The following CELF1 variants were observed in gnomAD, a reference collection of about 807,000 sequenced individuals.
The protein encoded by CELF1 is CUGBP Elav-like family member 1.
CELF1 carries 10 observed loss-of-function variants against 61.8 expected under a neutral mutation model. That is an observed-to-expected ratio of 0.16 (90% CI 0.10 to 0.27). The LOEUF (loss-of-function observed/expected upper bound fraction) is 0.27. Among genes scored for constraint, CELF1 ranks in the 10% least tolerant of loss-of-function variants. CELF1 has a pLI of 1.00. For synonymous variants in CELF1, 236 were observed against 225.1 expected (o/e 1.05, Z -0.43); for missense variants, 380 against 639.1 (o/e 0.59, Z 4.37).
chr11:47,557,226 G>GT (rs777550147), upstream of CELF1, among the ~76,000 whole-genome samples: 4,548 of 137,704 alleles, frequency 0.033, 117 homozygotes, highest in African/African-American at 0.053. Flanking sequence ...GTTTTGTTTT[G>GT]TTTTTTTTTT....
intron 3 of CELF1, among the ~76,000 whole-genome samples, chr11:47,497,944 A>G (rs966809960): frequency 2.6e-5 from 4 of 152,340 alleles, no homozygotes; most frequent in South Asian, 2.1e-4. Context: ...ATGAAAGACA[A>G]TTTGAGCAAC....
chr11:47,483,546 A>C lies in CELF1; in HGVS notation c.527-14T>G, dbSNP rs550328661. 27 of 1,598,976 alleles carry C rather than the reference A, an allele frequency of 1.7e-5. No homozygotes were observed. The Admixed American group carries it at 3.5e-4, about 21-fold the overall frequency. The stretch of plus-strand genomic sequence containing the variant: ...CAAATGCACAACCTGGTAAGAGAAG[A>C]GTCAGTAACTCATGCATTCATTTAT... On this transcript the variant is annotated splice_polypyrimidine_tract_variant and intron_variant, in intron 7 of 14. Coordinates refer to ENST00000687097, the MANE Select transcript of CELF1 (RefSeq NM_001376376.1).
chr11:47,470,260 G>T lies in CELF1; in HGVS notation c.*1970C>A, dbSNP rs1257082729. 2 of 151,294 alleles carry T rather than the reference G, an allele frequency of 1.3e-5. No homozygotes were observed. The highest frequency in any genetic ancestry group is 2.9e-5 in the Non-Finnish European group (2 of 67,900). 9.4% of individuals were successfully genotyped at this position (151,294 alleles called of 1,614,324 possible). A position where few individuals can be genotyped will look rare whatever the true frequency, so the allele number is the denominator to read the frequency against. On this transcript the variant is annotated 3_prime_UTR_variant, in exon 15 of 15. Transcript: ENST00000687097. ...TTCCAGCCGGTTGGGATTCAGAACA[G>T]CGCCTCCCCAACCTAGCATTTTTTT... is the stretch of plus-strand genomic sequence containing the variant.
chr11:47,468,775 A>G lies in CELF1; in HGVS notation c.*3455T>C, dbSNP rs951968315. 6.6e-6 allele frequency: 1 copy of G among 152,662 alleles called. No homozygotes were observed. Among genetic ancestry groups the G allele is most frequent in the Non-Finnish European group, 1.5e-5 (1 of 68,040 alleles). 9.5% of individuals were successfully genotyped at this position (152,662 alleles called of 1,614,324 possible). On this transcript the variant is annotated 3_prime_UTR_variant, in exon 15 of 15. Transcript: ENST00000687097. ...ATACACATCAGCATCAAAGGTCAAC[A>G]CAAGGTCAAAGGTGAGAGTTCAAGC...
chr11:47,475,550 T>C lies in CELF1; in HGVS notation c.1088-29A>G, dbSNP rs549182146. Reference sequence around the variant, plus strand: ...GGTTGGAGGAAGAGAAGGATTAATATACTAGAAAGACTAAACTGATGCCAA... The same window carrying C: ...GGTTGGAGGAAGAGAAGGATTAATACACTAGAAAGACTAAACTGATGCCAA... On this transcript the variant is annotated intron_variant, in intron 12 of 14. Transcript: ENST00000687097. 3.1e-6 allele frequency: 5 copies of C among 1,609,266 alleles called. No individual in the cohort carries two copies. In the South Asian group the frequency reaches 4.4e-5, roughly 14 times the overall value.
Position 47,468,957 on chromosome 11 carries a change from A to G in CELF1, c.*3273T>C, listed in dbSNP as rs1367861852. 1 of 152,258 alleles carries G rather than the reference A, an allele frequency of 6.6e-6. No individual in the cohort carries two copies. Among genetic ancestry groups the G allele is most frequent in the African/African-American group, 2.4e-5 (1 of 41,444 alleles). The allele number at this position is 152,258 out of a possible 1,614,324, so 9.4% of individuals were successfully genotyped here. ...GTTACACAGAGCAATACATCCAAAC[A>G]AAGAGAGAGAGAACAGGAACACTCA... On this transcript the variant is annotated 3_prime_UTR_variant, in exon 15 of 15. Transcript: ENST00000687097.
chr11:47,471,014 A>T lies in CELF1; in HGVS notation c.*1216T>A, dbSNP rs1212257290. On this transcript the variant is annotated 3_prime_UTR_variant, in exon 15 of 15. Transcript: ENST00000687097. ...GTCCTGATGTCACCTCTGCCTCAAG[A>T]GCAGAAAATGTGACTGGAGTGGTTA... The T allele has an allele frequency of 6.6e-6, 1 of 152,176 alleles. No individual in the cohort carries two copies. The highest frequency in any genetic ancestry group is 1.5e-5 in the Non-Finnish European group (1 of 68,044). The allele number at this position is 152,176 out of a possible 1,614,324, so 9.4% of individuals were successfully genotyped here.
chr11:47,487,216 G>A lies in CELF1; in HGVS notation c.285C>T (p.Thr95=). 7 of 1,612,250 alleles carry A rather than the reference G, an allele frequency of 4.3e-6. No individual in the cohort carries two copies. The highest frequency in any genetic ancestry group is 2.7e-5 in the African/African-American group (2 of 74,988). The change falls in exon 5 of 15, where the codon ACC becomes ACT. Residue 95 remains threonine, a synonymous_variant. Coordinates refer to ENST00000687097, the MANE Select transcript of CELF1 (RefSeq NM_001376376.1). ...SKGCCFVTFY[T]RKAALEAQNA... The stretch of plus-strand genomic sequence containing the variant: ...TCTGAGCTTCTAATGCAGCTTTACG[G>A]GTGTAAAATGTAACAAAACAGCACC...
chr11:47,466,449 T>G lies in CELF1; in HGVS notation c.*5781A>C, dbSNP rs1431420667. ...TTTCTCTTCACATTGTGAAATCACT[T>G]TACATTGTTTTCTAGTAGAAAAGGC... On this transcript the variant is annotated 3_prime_UTR_variant, in exon 15 of 15. Coordinates refer to ENST00000687097, the MANE Select transcript of CELF1 (RefSeq NM_001376376.1). 6.6e-6 allele frequency: 1 copy of G among 152,194 alleles called. No individual in the cohort carries two copies. The highest frequency in any genetic ancestry group is 1.5e-5 in the Non-Finnish European group (1 of 68,040). The allele number at this position is 152,194 out of a possible 1,614,324, so 9.4% of individuals were successfully genotyped here.
chr11:47,553,134 C>T, upstream of CELF1: 1 of 396,272 alleles, frequency 2.5e-6, no homozygotes. Flanking sequence ...GCAGAACACC[C>T]CAAAATGGCG....
At chr11:47,472,592 T>G (rs1245884188) in intron 14 of CELF1, among the ~76,000 whole-genome samples, 1 of 152,222 alleles carries the variant, frequency 6.6e-6, no homozygotes, top group Non-Finnish European at 1.5e-5. Context: ...TCTTGCTCTG[T>G]CACCCAGGGT....
Position 47,466,511 on chromosome 11 carries a change from G to A in CELF1, c.*5719C>T, listed in dbSNP as rs943596618. 2.0e-5 allele frequency: 3 copies of A among 151,518 alleles called. No individual in the cohort carries two copies. Among genetic ancestry groups the A allele is most frequent in the Admixed American group, 6.6e-5 (1 of 15,234 alleles). 9.4% of individuals were successfully genotyped at this position (151,518 alleles called of 1,614,324 possible). ...CAAAACCCCTAGTGTTAAATACAAC[G>A]TTTGTACCAATAAAAAACTCACACA... On this transcript the variant is annotated 3_prime_UTR_variant, in exon 15 of 15. Transcript: ENST00000687097.
intron 1 of CELF1, among the ~76,000 whole-genome samples, chr11:47,546,280 G>A (rs1398147352): frequency 7.1e-6 from 1 of 141,576 alleles, no homozygotes; most frequent in African/African-American, 2.6e-5. Context: ...CGGGGGCGGG[G>A]GAGGGAATGG....
rs914561530 is a variant in CELF1, at chr11:47,473,142, C to T, written c.1363G>A (p.Val455Ile). The part of the protein sequence containing the change: ...LLQMFMPFGN[V>I]VSAKVFIDKQ... ...TCTATGAAAACCTTGGCAGACACGA[C>T]ATTCCCAAAGGGCATAAACATCTGC... Residue 455 changes from valine (V) to isoleucine (I), a missense_variant, in exon 14 of 15, where the codon GTC becomes ATC. Physicochemically the swap from Val to Ile is conservative, Grantham distance 29. Coordinates refer to ENST00000687097, the MANE Select transcript of CELF1 (RefSeq NM_001376376.1). 1.2e-6 allele frequency: 2 copies of T among 1,614,196 alleles called. No homozygotes were observed. The highest frequency in any genetic ancestry group is 2.7e-5 in the African/African-American group (2 of 75,042).
Position 47,484,402 on chromosome 11 carries a change from A to G in CELF1, c.513T>C (p.Asp171=). ...IEECRILRGP[D]GLSRGCAFVT... is the part of the protein sequence containing the mutation. ...AAAACTACCTACCTCGGCTCAGGCC[A>G]TCAGGTCCCCGCAATATCCGGCATT... The change falls in exon 7 of 15, where the codon GAT becomes GAC. Residue 171 remains aspartate (D), a synonymous_variant. Coordinates refer to ENST00000687097, the MANE Select transcript of CELF1 (RefSeq NM_001376376.1). 6.2e-7 allele frequency: 1 copy of G among 1,613,032 alleles called. No individual in the cohort carries two copies. Among genetic ancestry groups the G allele is most frequent in the Admixed American group, 1.7e-5 (1 of 59,690 alleles).
At chr11:47,513,269 A>G (rs1163018043) in intron 1 of CELF1, among the ~76,000 whole-genome samples, 5 of 152,214 alleles carry the variant, frequency 3.3e-5, no homozygotes, top group African/African-American at 9.6e-5. Context: ...ATTCATATCC[A>G]CAGAACACCT....
chr11:47,526,631 T>G (rs1451944387), intron 1 of CELF1, among the ~76,000 whole-genome samples: 1 of 152,216 alleles, frequency 6.6e-6, no homozygotes, highest in Non-Finnish European at 1.5e-5. Flanking sequence ...GCCTAGCCTG[T>G]TGAATAAATT....
chr11:47,540,133 A>C (rs1246379212), intron 1 of CELF1, among the ~76,000 whole-genome samples: 1 of 152,232 alleles, frequency 6.6e-6, no homozygotes, highest in Non-Finnish European at 1.5e-5. Flanking sequence ...TATATGCAAT[A>C]CACTAAGCAG....
rs561621475 is a variant in CELF1 at position 47,548,076 on chromosome 11, G to A, written c.-154+4916C>T. ...AACACTTTGGGAGGCTGAGGCAGGT[G>A]GATCACGAGGTCTGGAGTTCAAGAC... On this transcript the variant is annotated intron_variant, in intron 1 of 14. Coordinates refer to ENST00000687097, the MANE Select transcript of CELF1 (RefSeq NM_001376376.1). 4.6e-5 allele frequency among the ~76,000 whole-genome samples: 7 copies of A among 152,252 alleles called. 1 individual carries two copies. The Middle Eastern group carries it at 0.01, about 222-fold the overall frequency.
Sources: allele counts gnomAD v4.1 joint callset (sites outside exome capture counted in the v4.1 genomes callset), GRCh38; gene constraint gnomAD v4.1.1; transcripts MANE v1.5; gene names NCBI Gene and HGNC (gene_info 2026-07-23, HGNC 2026-07-21).